The following BICC1 variants were observed in gnomAD, a reference collection of about 807,000 sequenced individuals.
BICC1 encodes the protein BicC family RNA binding protein 1.
A neutral mutation model predicts 111.0 loss-of-function variants in BICC1; 43 were observed. That is an observed-to-expected ratio of 0.39 (90% CI 0.30 to 0.50). The LOEUF (loss-of-function observed/expected upper bound fraction) is 0.50, where lower values mean the gene tolerates loss of function less well. BICC1 is among the 20% of genes least tolerant of loss of function. The pLI, the probability that BICC1 is intolerant of heterozygous loss-of-function variation, is 0.88. For missense variants in BICC1, 1,091 were observed against 1,203.2 expected (o/e 0.91, Z 1.38); for synonymous variants, 467 against 434.4 (o/e 1.07, Z -0.93).
chr10:58,658,541 T>G (rs919415849), intron 2 of BICC1, among the ~76,000 whole-genome samples: 14 of 152,150 alleles, frequency 9.2e-5, no homozygotes, highest in African/African-American at 3.4e-4. Flanking sequence ...TGGTGATTAA[T>G]TTTATTATGC....
intron 1 of BICC1, among the ~76,000 whole-genome samples, chr10:58,567,253 A>G (rs559055310): frequency 7.2e-5 from 11 of 152,212 alleles, no homozygotes; most frequent in African/African-American, 2.6e-4. Context: ...TTAGTTTTTT[A>G]TGGTGGACTA....
chr10:58,723,753 G>T (rs1436927826), intron 3 of BICC1, among the ~76,000 whole-genome samples: 2 of 152,000 alleles, frequency 1.3e-5, no homozygotes, highest in Non-Finnish European at 2.9e-5. Context: ...AGATTGTGTT[G>T]GTAGGAGGCT....
intron 3 of BICC1, among the ~76,000 whole-genome samples, chr10:58,740,341 T>G (rs1841618840): frequency 6.6e-6 from 1 of 152,240 alleles, no homozygotes; most frequent in Non-Finnish European, 1.5e-5. Flanking sequence ...GAAATTATAT[T>G]TTGGAAACTT....
intron 16 of BICC1, 134 bp from the exon 17 acceptor site, chr10:58,806,870 A>T: frequency 1.2e-6 from 1 of 860,218 alleles, no homozygotes; most frequent in Non-Finnish European, 1.8e-6. Context: ...AGATATTTTT[A>T]GACATTTTGT....
intron 2 of BICC1, among the ~76,000 whole-genome samples, chr10:58,701,150 A>G (rs1840222068): frequency 6.6e-6 from 1 of 152,164 alleles, no homozygotes. Context: ...TAATATATTT[A>G]ATGAACTCTC....
At chr10:58,531,465 T>C (rs1842680341) in intron 1 of BICC1, among the ~76,000 whole-genome samples, 1 of 151,728 alleles carries the variant, frequency 6.6e-6, no homozygotes, top group Non-Finnish European at 1.5e-5. Flanking sequence ...AACCAGTCTG[T>C]AAAGACTGGA....
chr10:58,607,158 A>T (rs112422936), intron 1 of BICC1, among the ~76,000 whole-genome samples: 84 of 152,000 alleles, frequency 5.5e-4, no homozygotes, highest in Non-Finnish European at 8.8e-4. Flanking sequence ...CTCTACTAAA[A>T]ATACAAAATT....
At chr10:58,776,791 C>T (rs1842759796) in intron 3 of BICC1, among the ~76,000 whole-genome samples, 1 of 152,154 alleles carries the variant, frequency 6.6e-6, no homozygotes, top group South Asian at 2.1e-4. Flanking sequence ...TCCAGATTTC[C>T]TCCTGGCACT....
At chr10:58,730,291 A>G (rs1327069224) in intron 3 of BICC1, among the ~76,000 whole-genome samples, 2 of 152,208 alleles carry the variant, frequency 1.3e-5, no homozygotes, top group Non-Finnish European at 2.9e-5. Context: ...CTTTGACTTC[A>G]TGTCCCACAT....
At chr10:58,695,453 C>T (rs1398446491) in intron 2 of BICC1, among the ~76,000 whole-genome samples, 1 of 152,184 alleles carries the variant, frequency 6.6e-6, no homozygotes, top group Non-Finnish European at 1.5e-5. Flanking sequence ...GAGAAACAGG[C>T]TGCAGATGGC....
At chr10:58,646,008 G>A (rs2132230948) in intron 2 of BICC1, among the ~76,000 whole-genome samples, 1 of 151,316 alleles carries the variant, frequency 6.6e-6, no homozygotes, top group Middle Eastern at 3.5e-3. Context: ...TTGGAACAAT[G>A]CCAGAGAAAC....
chr10:58,610,708 A>T (rs1353070682), intron 1 of BICC1, among the ~76,000 whole-genome samples: 3 of 151,840 alleles, frequency 2.0e-5, no homozygotes, highest in Non-Finnish European at 4.4e-5. Flanking sequence ...TTTCATTGAA[A>T]GTGGGTTTTG....
intron 1 of BICC1, among the ~76,000 whole-genome samples, chr10:58,561,057 A>T (rs749524094): frequency 6.6e-6 from 1 of 151,992 alleles, no homozygotes; most frequent in Non-Finnish European, 1.5e-5. Context: ...TTGGTCTGTG[A>T]TGCAATTTGA....
At chr10:58,530,716 G>T (rs529159671) in intron 1 of BICC1, among the ~76,000 whole-genome samples, 1 of 150,716 alleles carries the variant, frequency 6.6e-6, no homozygotes, top group South Asian at 2.1e-4. Context: ...ATCAGAAAGG[G>T]AGAGGCGGAA....
chr10:58,817,284 A>G (rs1431362842), intron 18 of BICC1, among the ~76,000 whole-genome samples: 1 of 152,138 alleles, frequency 6.6e-6, no homozygotes, highest in East Asian at 1.9e-4. Context: ...CTACTCAGGG[A>G]GAATATGATG....
At chr10:58,562,552 CTTGTATCTT>C (rs1273534641) in intron 1 of BICC1, among the ~76,000 whole-genome samples, 1 of 151,964 alleles carries the variant, frequency 6.6e-6, no homozygotes, top group Non-Finnish European at 1.5e-5. Flanking sequence ...TCTGTATTCT[CTTGTATCTT>C]GCTGAGTTTT....
At position 58,640,958 on chromosome 10, in the gene BICC1, AGCAGTT is replaced by A. The variant is rs1327701062; in HGVS notation, c.237+20058_237+20063del. Among the ~76,000 whole-genome samples the A allele has an allele frequency of 5.8e-4, 88 of 152,344 alleles. 1 individual carries two copies. Among genetic ancestry groups the A allele is most frequent in the African/African-American group, 2.1e-3 (86 of 41,576 alleles). The stretch of plus-strand genomic sequence containing the variant: ...TTAAGTGTCTATTTCAACTTTCAAA[AGCAGTT>A]CTTTGCTTTTCCACTTAGAAAAACA... On this transcript the variant is annotated intron_variant, in intron 2 of 20. Coordinates refer to ENST00000373886, the MANE Select transcript of BICC1 (RefSeq NM_001080512.3).
chr10:58,679,203 G>A (rs1387141530), intron 2 of BICC1, among the ~76,000 whole-genome samples: 4 of 152,096 alleles, frequency 2.6e-5, no homozygotes, highest in South Asian at 2.1e-4. Context: ...AACTGAAGGA[G>A]ATAGAGACAC....
intron 2 of BICC1, among the ~76,000 whole-genome samples, chr10:58,653,149 G>C (rs1838505622): frequency 6.6e-6 from 1 of 152,110 alleles, no homozygotes; most frequent in Admixed American, 6.6e-5. Context: ...AAAATATGAA[G>C]TATATTTAGC....
Sources: gnomAD v4.1 joint callset for allele counts (sites outside exome capture counted in the v4.1 genomes callset) on GRCh38, gnomAD v4.1.1 for gene constraint, MANE v1.5 for transcripts, NCBI Gene and HGNC (gene_info 2026-07-23, HGNC 2026-07-21) for gene names.